KCNK13: variants seen among roughly 807,000 people sequenced by gnomAD.
The protein encoded by KCNK13 is potassium channel subfamily K member 13.
In KCNK13, 12 loss-of-function variants were observed where a neutral mutation model predicts 23.4. That is an observed-to-expected ratio of 0.51 (90% confidence interval 0.33 to 0.83). The LOEUF (loss-of-function observed/expected upper bound fraction) is 0.83, where lower values mean the gene tolerates loss of function less well. Among genes scored for constraint, KCNK13 ranks in the 40% least tolerant of loss-of-function variants. The probability of loss-of-function intolerance (pLI) is 0.02; values close to 1 mark genes in which losing one functional copy is unlikely to be tolerated. For missense variants in KCNK13, 463 were observed against 556.3 expected, an observed-to-expected ratio of 0.83 and a Z score of 1.69; for synonymous variants, 231 against 229.5, an observed-to-expected ratio of 1.01 and a Z score of -0.06.
At chr14:90,132,867 G>A (rs1210632487) in intron 1 of KCNK13, among the ~76,000 whole-genome samples, 1 of 152,176 alleles carries the variant, frequency 6.6e-6, no homozygotes, top group Non-Finnish European at 1.5e-5. Context: ...ATAACACCCT[G>A]AGAGACACTA....
intron 1 of KCNK13, among the ~76,000 whole-genome samples, chr14:90,108,460 G>T (rs1877486728): frequency 6.6e-6 from 1 of 152,050 alleles, no homozygotes; most frequent in South Asian, 2.1e-4. Flanking sequence ...AAATCAGTGG[G>T]TATTTTGAAT....
At chr14:90,084,120 G>T (rs1046812338) in intron 1 of KCNK13, among the ~76,000 whole-genome samples, 4 of 152,018 alleles carry the variant, frequency 2.6e-5, no homozygotes, top group Admixed American at 1.3e-4. Context: ...AATGTTGTTG[G>T]TTTTTTTTCC....
At chr14:90,075,788 A>T (rs1889127743) in intron 1 of KCNK13, among the ~76,000 whole-genome samples, 1 of 152,026 alleles carries the variant, frequency 6.6e-6, no homozygotes, top group South Asian at 2.1e-4. Flanking sequence ...GTCTAGACTT[A>T]TCTTTTTTGA....
chr14:90,085,807 T>TATTA (rs1889268079), intron 1 of KCNK13, among the ~76,000 whole-genome samples: 2 of 128,754 alleles, frequency 1.6e-5, no homozygotes, highest in African/African-American at 6.0e-5. Flanking sequence ...ATATTATATA[T>TATTA]TATATTATAT....
At chr14:90,083,908 T>A (rs1185759308) in intron 1 of KCNK13, among the ~76,000 whole-genome samples, 1 of 152,218 alleles carries the variant, frequency 6.6e-6, no homozygotes, top group Non-Finnish European at 1.5e-5. Flanking sequence ...TTTAATTGTT[T>A]TAGCACACTT....
Position 90,126,172 on chromosome 14 carries a change from A to G in KCNK13, c.335-57939A>G, listed in dbSNP as rs189643649. On this transcript the variant is annotated intron_variant, in intron 1 of 1. Transcript: ENST00000282146. ...AAATGATTCAATAAATAAATGGAAT[A>G]GAAACAAATCTCCTCTGAAGAAGAA... is the stretch of plus-strand genomic sequence containing the variant. 9.8e-5 allele frequency among the ~76,000 whole-genome samples: 15 copies of G among 152,352 alleles called. No individual in the cohort carries two copies. The East Asian group carries it at 2.9e-3, about 29-fold the overall frequency.
intron 1 of KCNK13, among the ~76,000 whole-genome samples, chr14:90,078,149 A>C (rs1479982075): frequency 2.0e-5 from 3 of 152,192 alleles, no homozygotes; most frequent in African/African-American, 7.2e-5. Context: ...GGCCAGGCAC[A>C]GTGGCTCAAG....
intron 1 of KCNK13, among the ~76,000 whole-genome samples, chr14:90,065,516 CAGGATACGCTATTA>C (rs1299779266): frequency 6.6e-6 from 1 of 152,094 alleles, no homozygotes; most frequent in African/African-American, 2.4e-5. Flanking sequence ...TAAGTTAATC[CAGGATACGCTATTA>C]AGGCAGGTGC....
At chr14:90,120,325 C>G (rs922505551) in intron 1 of KCNK13, among the ~76,000 whole-genome samples, 1 of 152,170 alleles carries the variant, frequency 6.6e-6, no homozygotes, top group African/African-American at 2.4e-5. Context: ...ATGACCAAGT[C>G]TCCCCACAAG....
At chr14:90,090,433 G>A (rs1490798704) in intron 1 of KCNK13, among the ~76,000 whole-genome samples, 2 of 152,218 alleles carry the variant, frequency 1.3e-5, no homozygotes, top group Non-Finnish European at 2.9e-5. Flanking sequence ...AACCCCCATT[G>A]TATTTAGGAA....
chr14:90,078,451 AGGAAGGAAGGAAGGAGGGAG>A (rs1889167694), intron 1 of KCNK13, among the ~76,000 whole-genome samples: 2 of 150,230 alleles, frequency 1.3e-5, no homozygotes, highest in South Asian at 4.2e-4. Context: ...AAAGAAAGAG[AGGAAGGAAGGAAGGAGGGAG>A]GGAAGGAAGG....
At chr14:90,177,349 A>C (rs1049818924) in intron 1 of KCNK13, 1 of 152,220 alleles carries the variant, frequency 6.6e-6, no homozygotes, top group Admixed American at 6.5e-5. Context: ...GTAATGAAAG[A>C]TAAAACATTA....
At chr14:90,108,369 G>A (rs1265675709) in intron 1 of KCNK13, among the ~76,000 whole-genome samples, 3 of 152,156 alleles carry the variant, frequency 2.0e-5, no homozygotes, top group Non-Finnish European at 4.4e-5. Context: ...TCTCCACAAT[G>A]ATGAATCCTT....
rs1452179835 is a variant in KCNK13 at position 90,062,183 on chromosome 14, G to T, written c.-23G>T. Reference sequence around the variant, plus strand: ...CCGACGCCCGGTGCCGTGGGCCTGGGGGCTGCCCCCGGGGGCCCGGCCATG... The same window carrying T: ...CCGACGCCCGGTGCCGTGGGCCTGGTGGCTGCCCCCGGGGGCCCGGCCATG... On this transcript the variant is annotated 5_prime_UTR_variant, in exon 1 of 2. Coordinates refer to ENST00000282146, the MANE Select transcript of KCNK13 (RefSeq NM_022054.4). The surrounding 1 kb of genome is among the most constrained non-coding windows in gnomAD (Gnocchi z 4.5). 8.0e-6 allele frequency: 11 copies of T among 1,366,500 alleles called. No homozygotes were observed. Among genetic ancestry groups the T allele is most frequent in the Non-Finnish European group, 7.5e-6 (8 of 1,061,170 alleles). The allele number at this position is 1,366,500 out of a possible 1,614,324, so 84.6% of individuals were successfully genotyped here. A position where few individuals can be genotyped will look rare whatever the true frequency, so the allele number is the denominator to read the frequency against.
chr14:90,183,097 T>A (rs1312305590), intron 1 of KCNK13, among the ~76,000 whole-genome samples: 1 of 152,184 alleles, frequency 6.6e-6, no homozygotes, highest in Non-Finnish European at 1.5e-5. Context: ...TCTGTTTTTC[T>A]TAGTAACATC....
intron 1 of KCNK13, among the ~76,000 whole-genome samples, chr14:90,120,050 CT>C (rs1889719075): frequency 1.3e-5 from 2 of 152,062 alleles, no homozygotes; most frequent in South Asian, 4.1e-4. Flanking sequence ...ATTTTTTCTG[CT>C]CCTCTCCCTC....
intron 1 of KCNK13, among the ~76,000 whole-genome samples, chr14:90,149,361 A>G (rs1321653183): frequency 6.6e-6 from 1 of 152,230 alleles, no homozygotes; most frequent in Admixed American, 6.5e-5. Context: ...GTCTCAAAAA[A>G]AGAAAGAAAG....
chr14:90,138,033 C>T lies in KCNK13; in HGVS notation c.335-46078C>T, dbSNP rs751957585. On this transcript the variant is annotated intron_variant, in intron 1 of 1. Coordinates refer to ENST00000282146, the MANE Select transcript of KCNK13 (RefSeq NM_022054.4). The stretch of plus-strand genomic sequence containing the variant: ...ATCCTCTGACTTGAGTCATTTTGGT[C>T]ATTTCCCTGCTTATTAGTACCCATA... 2.4e-4 allele frequency among the ~76,000 whole-genome samples: 37 copies of T among 152,142 alleles called. 1 individual carries two copies. The highest frequency in any genetic ancestry group is 1.9e-3 in the Admixed American group (29 of 15,264).
chr14:90,099,597 A>G (rs959659926), intron 1 of KCNK13, among the ~76,000 whole-genome samples: 12 of 152,214 alleles, frequency 7.9e-5, no homozygotes, highest in Admixed American at 2.0e-4. Flanking sequence ...ATTTTGGACA[A>G]CTAGGGAGAA....
Sources: gnomAD v4.1 joint callset for allele counts (sites outside exome capture counted in the v4.1 genomes callset) on GRCh38, gnomAD v4.1.1 for gene constraint, Gnocchi (gnomAD v3.1) non-coding constraint, MANE v1.5 for transcripts, NCBI Gene and HGNC (gene_info 2026-07-23, HGNC 2026-07-21) for gene names.